Variants in ABTB3 observed in about 807,000 individuals in gnomAD.
ABTB3 encodes ankyrin repeat and BTB domain containing 3.
At chr12:107,401,021 G>A in the ABTB3 span, among the ~76,000 whole-genome samples, 5 of 152,302 alleles carry the variant, frequency 3.3e-5, no homozygotes, top group African/African-American at 1.2e-4. Flanking sequence ...TGATGACCAT[G>A]TCCACATTCA....
chr12:107,368,572 TG>T, the ABTB3 span, among the ~76,000 whole-genome samples: 1 of 152,198 alleles, frequency 6.6e-6, no homozygotes, highest in Non-Finnish European at 1.5e-5. Context: ...TCCTTTCACT[TG>T]TTCCCATATG....
chr12:107,371,485 G>A, the ABTB3 span, among the ~76,000 whole-genome samples: 1 of 152,200 alleles, frequency 6.6e-6, no homozygotes, highest in African/African-American at 2.4e-5. Flanking sequence ...CCTCGTTTCA[G>A]AGCCAGTTGC....
the ABTB3 span, among the ~76,000 whole-genome samples, chr12:107,577,285 G>A: frequency 6.6e-6 from 1 of 152,170 alleles, no homozygotes; most frequent in Admixed American, 6.5e-5. Flanking sequence ...CCACTTTACA[G>A]GTGAAGACAC....
chr12:107,527,657 T>A, the ABTB3 span, among the ~76,000 whole-genome samples: 1 of 152,270 alleles, frequency 6.6e-6, no homozygotes, highest in African/African-American at 2.4e-5. Context: ...CAATAATATT[T>A]GCTGAATGAA....
chr12:107,469,924 C>T, the ABTB3 span, among the ~76,000 whole-genome samples: 3,486 of 39,300 alleles, frequency 0.089, 319 homozygotes, highest in East Asian at 0.16. Flanking sequence ...CTTTCTTTCT[C>T]TCTCTCTCTC....
chr12:107,588,336 G>A, the ABTB3 span, among the ~76,000 whole-genome samples: 1 of 152,216 alleles, frequency 6.6e-6, no homozygotes, highest in Admixed American at 6.5e-5. Context: ...AAACAGACTT[G>A]GAATGTTGGG....
chr12:107,462,611 G>A, the ABTB3 span, among the ~76,000 whole-genome samples: 1 of 152,044 alleles, frequency 6.6e-6, no homozygotes, highest in Admixed American at 6.5e-5. Context: ...TGACAGTTAT[G>A]ATGATGGTGA....
chr12:107,601,004 T>G, the ABTB3 span, among the ~76,000 whole-genome samples: 2 of 152,232 alleles, frequency 1.3e-5, no homozygotes, highest in Non-Finnish European at 1.5e-5. Context: ...ATTAAATCCC[T>G]GGAGAGAGGA....
At chr12:107,540,444 C>G in the ABTB3 span, among the ~76,000 whole-genome samples, 1 of 152,156 alleles carries the variant, frequency 6.6e-6, no homozygotes, top group African/African-American at 2.4e-5. Context: ...CCAGTCTCTT[C>G]TGAAAATACT....
At chr12:107,555,077 C>T in the ABTB3 span, among the ~76,000 whole-genome samples, 1 of 152,182 alleles carries the variant, frequency 6.6e-6, no homozygotes, top group Non-Finnish European at 1.5e-5. Context: ...GCAGAACTCT[C>T]AGGCTTTGGA....
chr12:107,529,263 TTGATGATGATGGTGATGG>T, the ABTB3 span, among the ~76,000 whole-genome samples: 8 of 135,884 alleles, frequency 5.9e-5, no homozygotes, highest in South Asian at 2.5e-4. Context: ...GGTGGTCATG[TTGATGATGATGGTGATGG>T]TGATGATGAT....
At chr12:107,445,863 T>TCCCTATCCCCTCTC in the ABTB3 span, among the ~76,000 whole-genome samples, 1 of 106,350 alleles carries the variant, frequency 9.4e-6, no homozygotes. Flanking sequence ...TCTCCAAATC[T>TCCCTATCCCCTCTC]CCCTCTCCCC....
the ABTB3 span, among the ~76,000 whole-genome samples, chr12:107,487,472 A>G: frequency 6.6e-6 from 1 of 152,222 alleles, no homozygotes; most frequent in African/African-American, 2.4e-5. Context: ...TCAGTGCCAG[A>G]GTCTATTTAC....
the ABTB3 span, among the ~76,000 whole-genome samples, chr12:107,452,942 T>A: frequency 6.6e-6 from 1 of 152,106 alleles, no homozygotes; most frequent in African/African-American, 2.4e-5. Context: ...CAAAACAAGA[T>A]GTGATACAGA....
At chr12:107,519,391 C>CGGCTCATCA in the ABTB3 span, among the ~76,000 whole-genome samples, 2 of 146,546 alleles carry the variant, frequency 1.4e-5, no homozygotes, top group Non-Finnish European at 3.0e-5. Flanking sequence ...AGCACAATCT[C>CGGCTCATCA]GGCTCATCAC....
At chr12:107,322,044 T>C in the ABTB3 span, among the ~76,000 whole-genome samples, 43 of 152,360 alleles carry the variant, frequency 2.8e-4, no homozygotes, top group African/African-American at 9.9e-4. Context: ...AATAGGGGGC[T>C]AGATATGTAA....
At chr12:107,480,654 C>T in the ABTB3 span, among the ~76,000 whole-genome samples, 3 of 152,164 alleles carry the variant, frequency 2.0e-5, no homozygotes, top group Non-Finnish European at 2.9e-5. Context: ...AGGGTCGTGG[C>T]TCTAGTTACA....
At chr12:107,441,792 T>A in the ABTB3 span, among the ~76,000 whole-genome samples, 242 of 93,442 alleles carry the variant, frequency 2.6e-3, no homozygotes, top group African/African-American at 6.3e-3. Context: ...AAAAAAAAAA[T>A]AGCAGGGTGT....
chr12:107,481,899 CT>C, the ABTB3 span, among the ~76,000 whole-genome samples: 1 of 133,652 alleles, frequency 7.5e-6, no homozygotes, highest in Non-Finnish European at 1.7e-5. Context: ...CTCTCTCTCT[CT>C]CTCTCTCTCT....
Sources: gnomAD v4.1 joint callset for allele counts (sites outside exome capture counted in the v4.1 genomes callset) on GRCh38, gnomAD v4.1.1 for gene constraint, MANE v1.5 for transcripts, NCBI Gene and HGNC (gene_info 2026-07-23, HGNC 2026-07-21) for gene names.